CNTN4: variants seen among roughly 807,000 people sequenced by gnomAD.
CNTN4 encodes the protein contactin 4.
CNTN4 carries 77 observed loss-of-function variants against 122.5 expected under a neutral mutation model. The observed-to-expected ratio is 0.63, with a 90% CI of 0.52 to 0.76. The LOEUF is 0.76. Ranked by LOEUF, CNTN4 falls within the 30% of genes least tolerant of loss-of-function variation. CNTN4 has a pLI of 0.00. For synonymous variants in CNTN4, 512 were observed against 447.0 expected, an observed-to-expected ratio of 1.15 and a Z score of -1.83; for missense variants, 1,256 against 1,259.1, an observed-to-expected ratio of 1.00 and a Z score of 0.04.
Position 2,664,455 on chromosome 3 carries a change from A to G in CNTN4, c.56-71760A>G, listed in dbSNP as rs1325111580. ...AAGTCTAGATTTTCTGTAAATTAGC[A>G]TTGAATTTTATGATAAGTAAGTTGG... On this transcript the variant is annotated intron_variant, in intron 4 of 24. Coordinates refer to ENST00000418658, the MANE Select transcript of CNTN4 (RefSeq NM_175607.3). Among the ~76,000 whole-genome samples the G allele has an allele frequency of 7.5e-5, 11 of 147,530 alleles. No homozygotes were observed. The Admixed American group carries it at 8.0e-4, about 11-fold the overall frequency.
intron 2 of CNTN4, among the ~76,000 whole-genome samples, chr3:2,311,901 A>C (rs1575343153): frequency 6.6e-6 from 1 of 152,122 alleles, no homozygotes; most frequent in Non-Finnish European, 1.5e-5. Context: ...GGTAACCCTT[A>C]GATATTTTCC....
chr3:2,717,434 T>G (rs9868328), intron 4 of CNTN4, among the ~76,000 whole-genome samples: 24,809 of 152,172 alleles, frequency 0.16, 2,090 homozygotes, highest in South Asian at 0.19. Context: ...CGTGTTTTCA[T>G]AATTCATTGC....
intron 14 of CNTN4, among the ~76,000 whole-genome samples, chr3:3,023,250 A>G (rs1343590103): frequency 6.6e-6 from 1 of 152,176 alleles, no homozygotes; most frequent in Non-Finnish European, 1.5e-5. Flanking sequence ...CCTCTCTGGT[A>G]TGTGTACAGT....
At chr3:2,769,450 G>GT (rs1455592452) in intron 6 of CNTN4, among the ~76,000 whole-genome samples, 1 of 135,526 alleles carries the variant, frequency 7.4e-6, no homozygotes, top group Non-Finnish European at 1.6e-5. Context: ...GGGCAACAGA[G>GT]TGAGACTCTG....
chr3:2,188,801 G>C (rs778145448), intron 2 of CNTN4, among the ~76,000 whole-genome samples: 2 of 152,134 alleles, frequency 1.3e-5, no homozygotes, highest in Non-Finnish European at 2.9e-5. Flanking sequence ...GTATTTGGAT[G>C]GCAATGGGCT....
At chr3:2,859,714 G>A (rs557999093) in intron 7 of CNTN4, among the ~76,000 whole-genome samples, 6 of 152,234 alleles carry the variant, frequency 3.9e-5, no homozygotes, top group African/African-American at 1.2e-4. Context: ...TTTTGTTGAA[G>A]CCTTTCCATT....
intron 2 of CNTN4, among the ~76,000 whole-genome samples, chr3:2,189,398 C>A (rs1225122195): frequency 6.6e-6 from 1 of 152,158 alleles, no homozygotes; most frequent in Non-Finnish European, 1.5e-5. Context: ...CTGAAGAACT[C>A]AGCAGATCTC....
intron 13 of CNTN4, among the ~76,000 whole-genome samples, chr3:2,942,217 C>T (rs1207691282): frequency 6.6e-6 from 1 of 152,064 alleles, no homozygotes; most frequent in Non-Finnish European, 1.5e-5. Flanking sequence ...CTAGAGACTT[C>T]TCCAAAAATA....
At chr3:2,771,964 G>C (rs751359620) in intron 6 of CNTN4, among the ~76,000 whole-genome samples, 14 of 152,140 alleles carry the variant, frequency 9.2e-5, no homozygotes, top group Non-Finnish European at 1.6e-4. Context: ...AGCAAAGCCT[G>C]AATCTTCATG....
At chr3:2,559,519 G>T (rs2078856970) in intron 3 of CNTN4, among the ~76,000 whole-genome samples, 1 of 151,596 alleles carries the variant, frequency 6.6e-6, no homozygotes. Context: ...TAAGCATTTG[G>T]TAATCTGTCC....
chr3:2,848,161 C>T (rs2093487055), intron 7 of CNTN4, among the ~76,000 whole-genome samples: 1 of 152,104 alleles, frequency 6.6e-6, no homozygotes. Flanking sequence ...GTCACTTGAG[C>T]CCAGGAATTT....
chr3:2,549,824 G>T (rs1159739823), intron 3 of CNTN4, among the ~76,000 whole-genome samples: 1 of 152,052 alleles, frequency 6.6e-6, no homozygotes, highest in East Asian at 1.9e-4. Context: ...GAATCCATCT[G>T]GTCCTGGGCT....
intron 4 of CNTN4, among the ~76,000 whole-genome samples, chr3:2,644,902 G>C (rs749343429): frequency 6.7e-6 from 1 of 150,182 alleles, no homozygotes. Context: ...TATTCTGCTT[G>C]TTCCCAAGAC....
At chr3:2,241,588 G>T (rs1035443350) in intron 2 of CNTN4, among the ~76,000 whole-genome samples, 3 of 152,092 alleles carry the variant, frequency 2.0e-5, no homozygotes, top group African/African-American at 7.2e-5. Context: ...TCTTTCAGAT[G>T]TCTGCAGTCA....
rs575078383 is a variant in CNTN4 at position 2,590,927 on chromosome 3, G to C, written c.55+19369G>C. The stretch of plus-strand genomic sequence containing the variant: ...ACATGCAATAAACTATAAAAATTAA[G>C]GTATACACTTTGATACATTTTGTCA... On this transcript the variant is annotated intron_variant, in intron 4 of 24. Transcript: ENST00000418658. Among the ~76,000 whole-genome samples the C allele has an allele frequency of 8.6e-5, 13 of 151,872 alleles. No individual in the cohort carries two copies. The South Asian group carries it at 2.3e-3, about 27-fold the overall frequency.
chr3:2,175,303 A>G (rs893247402), intron 2 of CNTN4, among the ~76,000 whole-genome samples: 15 of 151,928 alleles, frequency 9.9e-5, no homozygotes, highest in African/African-American at 3.6e-4. Context: ...TGTCTAGAAT[A>G]TCCTAGCTTG....
intron 4 of CNTN4, among the ~76,000 whole-genome samples, chr3:2,673,489 T>G (rs2084657990): frequency 1.3e-5 from 2 of 152,194 alleles, no homozygotes; most frequent in Non-Finnish European, 2.9e-5. Flanking sequence ...GCTTGTGACC[T>G]GCTTTGATCA....
chr3:2,448,667 A>C (rs557993708), intron 3 of CNTN4, among the ~76,000 whole-genome samples: 1 of 152,296 alleles, frequency 6.6e-6, no homozygotes, highest in South Asian at 2.1e-4. Flanking sequence ...TTCTGCTAGT[A>C]ACATATCGTG....
chr3:2,361,381 G>T (rs1253827746), intron 3 of CNTN4, among the ~76,000 whole-genome samples: 1 of 152,132 alleles, frequency 6.6e-6, no homozygotes, highest in East Asian at 1.9e-4. Context: ...TGGAGGATAG[G>T]TGCTATTTTG....
Sources: allele counts gnomAD v4.1 joint callset (sites outside exome capture counted in the v4.1 genomes callset), GRCh38; gene constraint gnomAD v4.1.1; transcripts MANE v1.5; gene names NCBI Gene and HGNC (gene_info 2026-07-23, HGNC 2026-07-21).